FGF13: variants seen among roughly 807,000 people sequenced by gnomAD.
FGF13 encodes fibroblast growth factor homologous factor 2.
A neutral mutation model predicts 19.5 loss-of-function variants in FGF13; 2 were observed. The observed-to-expected ratio is 0.10, with a 90% CI of 0.04 to 0.32. The LOEUF (loss-of-function observed/expected upper bound fraction) is 0.32, where lower values mean the gene tolerates loss of function less well. Ranked by LOEUF, FGF13 falls within the 10% of genes least tolerant of loss-of-function variation. The pLI is 1.00. For missense variants in FGF13, 113 were observed against 192.7 expected (o/e 0.59, Z 2.45); for synonymous variants, 72 against 76.9 (o/e 0.94, Z 0.33).
intron 1 of FGF13, among the ~76,000 whole-genome samples, chrX:139,072,393 G>T (rs2092379887): frequency 1.8e-5 from 2 of 111,141 alleles, no homozygotes; most frequent in Non-Finnish European, 3.8e-5. Flanking sequence ...CTCTCTGATG[G>T]CACCTTGATC....
intron 1 of FGF13, among the ~76,000 whole-genome samples, chrX:139,146,846 A>C (rs1206651269): frequency 1.8e-5 from 2 of 110,270 alleles, no homozygotes; most frequent in Non-Finnish European, 3.8e-5. Flanking sequence ...GGAAACCATC[A>C]TTCTGAGCAA....
intron 3 of FGF13, among the ~76,000 whole-genome samples, chrX:138,825,261 C>G (rs2091026208): frequency 1.8e-5 from 2 of 111,696 alleles, no homozygotes; most frequent in African/African-American, 6.5e-5. Flanking sequence ...AATTTACTAG[C>G]CAGGTGACCT....
At chrX:139,090,941 CAAAAAAAAAAA>C (rs1181771963) in intron 1 of FGF13, among the ~76,000 whole-genome samples, 1 of 32,760 alleles carries the variant, frequency 3.1e-5, no homozygotes, top group Non-Finnish European at 5.6e-5. Context: ...GACCCTGTCT[CAAAAAAAAAAA>C]AAAAAAAAAA....
At chrX:138,940,271 T>G (rs1235435589) in intron 1 of FGF13, among the ~76,000 whole-genome samples, 1 of 111,679 alleles carries the variant, frequency 9.0e-6, no homozygotes, top group African/African-American at 3.3e-5. Context: ...TAGTTTCTAA[T>G]GGGGTCATTT....
chrX:138,805,952 T>G, intron 3 of FGF13, among the ~76,000 whole-genome samples: 1 of 111,779 alleles, frequency 8.9e-6, no homozygotes, highest in African/African-American at 3.2e-5. Flanking sequence ...CTACAACCCT[T>G]GCATCTAGTT....
At chrX:138,952,446 A>C (rs1049821712) in intron 1 of FGF13, among the ~76,000 whole-genome samples, 4 of 112,370 alleles carry the variant, frequency 3.6e-5, no homozygotes, top group Non-Finnish European at 7.5e-5. Context: ...TTAAAGACTT[A>C]AATGTTAGAC....
chrX:139,181,766 T>C (rs1290334860), intron 1 of FGF13, among the ~76,000 whole-genome samples: 1 of 112,227 alleles, frequency 8.9e-6, no homozygotes, highest in African/African-American at 3.2e-5. Context: ...AACTGACTGA[T>C]ATAATTCAGA....
chrX:139,088,764 G>A (rs1363224800), intron 1 of FGF13, among the ~76,000 whole-genome samples: 1 of 111,611 alleles, frequency 9.0e-6, no homozygotes, highest in African/African-American at 3.3e-5. Flanking sequence ...GGAGGCTACA[G>A]TCTGAATGTC....
At chrX:139,152,937 A>G (rs1302175222) in intron 1 of FGF13, among the ~76,000 whole-genome samples, 1 of 110,155 alleles carries the variant, frequency 9.1e-6, no homozygotes, top group Non-Finnish European at 1.9e-5. Context: ...CCCTTCCCCC[A>G]AGGTCAAAAT....
chrX:139,057,374 T>C (rs1427192657), intron 1 of FGF13, among the ~76,000 whole-genome samples: 1 of 110,055 alleles, frequency 9.1e-6, no homozygotes, highest in Admixed American at 9.7e-5. Context: ...ACACTGACCA[T>C]ACGGAGTGTT....
In FGF13 at chrX:138,770,603, T is replaced by C. The variant is rs142549131; in HGVS notation, c.218-61675A>G. Among the ~76,000 whole-genome samples the C allele has an allele frequency of 3.3e-3, 370 of 111,571 alleles. 1 individual carries two copies. The highest frequency in any genetic ancestry group is 0.012 in the African/African-American group (361 of 30,675). ...CGTGTCCTATGCACACCTACTATCGTGGCACGTTTTTAAATGATTTCTTTG... is the reference window on the plus strand; with the variant it reads ...CGTGTCCTATGCACACCTACTATCGCGGCACGTTTTTAAATGATTTCTTTG... On this transcript the variant is annotated intron_variant, in intron 3 of 6. Transcript: ENST00000436198.
rs978383811 is a variant in FGF13 at position 138,781,813 on chromosome X, C to T, written c.218-72885G>A. Among the ~76,000 whole-genome samples, 3 of 111,892 alleles carry T rather than the reference C, an allele frequency of 2.7e-5. No individual in the cohort carries two copies. The South Asian group carries it at 1.1e-3, about 42-fold the overall frequency. On this transcript the variant is annotated intron_variant, in intron 3 of 6. Coordinates refer to the FGF13 transcript ENST00000436198. ...ATCCTCCCTAACTCATTTTACGAGG[C>T]CAGCATCACTCTGATACCAAAGCCG...
At chrX:138,739,456 G>A (rs140737419), upstream of FGF13, 2,149 of 346,197 alleles carry the variant, frequency 6.2e-3, 44 homozygotes, top group African/African-American at 0.051. Flanking sequence ...GACCATTATG[G>A]CTCTCCCAGA....
intron 1 of FGF13, among the ~76,000 whole-genome samples, chrX:139,032,208 C>T (rs1245504801): frequency 8.9e-6 from 1 of 111,990 alleles, no homozygotes; most frequent in Non-Finnish European, 1.9e-5. Context: ...AACTCTTTAT[C>T]TAAACATTTG....
chrX:138,990,042 G>A (rs928254604), intron 1 of FGF13, among the ~76,000 whole-genome samples: 1 of 112,023 alleles, frequency 8.9e-6, no homozygotes, highest in African/African-American at 3.2e-5. Context: ...CATCTTAAAA[G>A]AATCCTGCCT....
intron 3 of FGF13, among the ~76,000 whole-genome samples, chrX:138,642,847 G>A (rs1846731590): frequency 1.8e-5 from 2 of 111,514 alleles, no homozygotes; most frequent in African/African-American, 6.5e-5. Context: ...TTAAATAAAA[G>A]GGCTTCATGA....
rs145688104 is a variant in FGF13 at position 139,180,474 on chromosome X, C to G, written c.-113+22942G>C. 2.8e-3 allele frequency among the ~76,000 whole-genome samples: 311 copies of G among 111,870 alleles called. 2 individuals carry two copies. The highest frequency in any genetic ancestry group is 9.2e-3 in the African/African-American group (285 of 30,827). ...TAAGAATTCTATCATCCAGAGTCCT[C>G]AAAAATTGAGTTTTCTGAAATATTA... On this transcript the variant is annotated intron_variant, in intron 1 of 2. Coordinates refer to the FGF13 transcript ENST00000421460.
chrX:138,912,498 C>T (rs185160598), intron 1 of FGF13, among the ~76,000 whole-genome samples: 1 of 111,501 alleles, frequency 9.0e-6, no homozygotes, highest in East Asian at 2.8e-4. Flanking sequence ...AAAAATGCTA[C>T]TGAATTAGAG....
intron 1 of FGF13, among the ~76,000 whole-genome samples, chrX:138,734,571 A>C (rs753723657): frequency 8.9e-6 from 1 of 111,815 alleles, no homozygotes; most frequent in African/African-American, 3.2e-5. Context: ...GAGGTGAAGA[A>C]ATCTCATTTG....
Sources: allele counts gnomAD v4.1 joint callset (sites outside exome capture counted in the v4.1 genomes callset), GRCh38; gene constraint gnomAD v4.1.1; transcripts MANE v1.5; gene names NCBI Gene and HGNC (gene_info 2026-07-23, HGNC 2026-07-21).